SSBP2: variants seen among roughly 807,000 people sequenced by gnomAD.
SSBP2 encodes single-stranded DNA-binding protein 2.
A neutral mutation model predicts 61.8 loss-of-function variants in SSBP2; 17 were observed. The observed-to-expected ratio is 0.28, with a 90% CI of 0.19 to 0.41. SSBP2 has a LOEUF of 0.41. Among genes scored for constraint, SSBP2 ranks in the 10% least tolerant of loss-of-function variants. The probability of loss-of-function intolerance (pLI) is 1.00; values close to 1 mark genes in which losing one functional copy is unlikely to be tolerated. For synonymous variants in SSBP2, 139 were observed against 141.3 expected, an observed-to-expected ratio of 0.98 and a Z score of 0.12; for missense variants, 310 against 458.7, an observed-to-expected ratio of 0.68 and a Z score of 2.96.
At chr5:81,478,792 C>T (rs1056780989) in intron 6 of SSBP2, among the ~76,000 whole-genome samples, 1 of 152,082 alleles carries the variant, frequency 6.6e-6, no homozygotes, top group Non-Finnish European at 1.5e-5. Flanking sequence ...TTTTTTAAGT[C>T]TCCAAATGGT....
chr5:81,520,190 G>A (rs1047538490), intron 4 of SSBP2, among the ~76,000 whole-genome samples: 2 of 152,042 alleles, frequency 1.3e-5, no homozygotes, highest in East Asian at 3.9e-4. Flanking sequence ...TCACCATGTT[G>A]GCCAGGCTGG....
intron 16 of SSBP2, among the ~76,000 whole-genome samples, chr5:81,427,501 C>T (rs1762028544): frequency 6.6e-6 from 1 of 152,128 alleles, no homozygotes; most frequent in Non-Finnish European, 1.5e-5. Flanking sequence ...ATCCACAGAG[C>T]ACTCAATCTT....
At chr5:81,462,722 C>T (rs751818915) in intron 9 of SSBP2, among the ~76,000 whole-genome samples, 9 of 152,046 alleles carry the variant, frequency 5.9e-5, no homozygotes, top group Non-Finnish European at 1.0e-4. Context: ...CCAAGTAAAA[C>T]ATTTGGGTAG....
intron 1 of SSBP2, among the ~76,000 whole-genome samples, chr5:81,723,914 T>TC (rs1334067740): frequency 6.6e-6 from 1 of 151,996 alleles, no homozygotes; most frequent in Non-Finnish European, 1.5e-5. Flanking sequence ...CACTTCTCTA[T>TC]CTTCTGTCTT....
intron 15 of SSBP2, among the ~76,000 whole-genome samples, chr5:81,432,875 C>T (rs1486207141): frequency 6.7e-6 from 1 of 149,728 alleles, no homozygotes; most frequent in African/African-American, 2.5e-5. Flanking sequence ...CCTGGCCACC[C>T]CTACTGGGAA....
chr5:81,567,536 C>A (rs995114719), intron 4 of SSBP2, among the ~76,000 whole-genome samples: 11 of 152,200 alleles, frequency 7.2e-5, no homozygotes, highest in African/African-American at 2.4e-4. Context: ...TAGGGCACAG[C>A]AGAAGGGAAA....
intron 1 of SSBP2, among the ~76,000 whole-genome samples, chr5:81,680,545 A>T (rs1032003976): frequency 3.9e-5 from 6 of 151,984 alleles, no homozygotes; most frequent in Admixed American, 6.5e-5. Context: ...AAAGACACCC[A>T]TAGTTTAAAA....
chr5:81,484,562 A>G (rs551253303), intron 6 of SSBP2, among the ~76,000 whole-genome samples: 1 of 152,230 alleles, frequency 6.6e-6, no homozygotes, highest in South Asian at 2.1e-4. Flanking sequence ...TTTAAATCTT[A>G]GTGTAATTAT....
At chr5:81,692,889 C>G (rs1753311041) in intron 1 of SSBP2, among the ~76,000 whole-genome samples, 1 of 152,042 alleles carries the variant, frequency 6.6e-6, no homozygotes, top group South Asian at 2.1e-4. Context: ...TCTAAGACCT[C>G]AAACTATAAA....
At chr5:81,729,493 T>C (rs1455476638) in intron 1 of SSBP2, among the ~76,000 whole-genome samples, 1 of 152,068 alleles carries the variant, frequency 6.6e-6, no homozygotes, top group Non-Finnish European at 1.5e-5. Flanking sequence ...GTATAGAGAA[T>C]AAATGAATGA....
At chr5:81,467,805 C>T (rs141120214) in intron 8 of SSBP2, among the ~76,000 whole-genome samples, 22 of 152,080 alleles carry the variant, frequency 1.4e-4, no homozygotes, top group African/African-American at 5.1e-4. Context: ...TCCAACTCTT[C>T]TGGGTACTCT....
rs554970725 is a variant in SSBP2 at position 81,617,936 on chromosome 5, A to C, written c.198-2379T>G. On this transcript the variant is annotated intron_variant, in intron 3 of 16. Transcript: ENST00000320672. The stretch of plus-strand genomic sequence containing the variant: ...TTGTCACCACCAGGCCTGCCCTAAA[A>C]GAGCTCCTGAAGCAAGCGCTAAACA... Among the ~76,000 whole-genome samples the C allele has an allele frequency of 5.0e-4, 69 of 137,792 alleles. 13 individuals are homozygous for C. Among genetic ancestry groups the C allele is most frequent in the Non-Finnish European group, 9.3e-4 (58 of 62,322 alleles). 90.4% of individuals were successfully genotyped at this position (137,792 alleles called of 152,430 possible).
intron 1 of SSBP2, among the ~76,000 whole-genome samples, chr5:81,723,475 A>G (rs1035140337): frequency 6.6e-6 from 1 of 152,014 alleles, no homozygotes; most frequent in African/African-American, 2.4e-5. Flanking sequence ...ACAATGGTAC[A>G]TAAAAGAAAC....
At chr5:81,684,763 A>G (rs1479832822) in intron 1 of SSBP2, among the ~76,000 whole-genome samples, 3 of 152,138 alleles carry the variant, frequency 2.0e-5, no homozygotes, top group Non-Finnish European at 4.4e-5. Flanking sequence ...GAAGGGACTT[A>G]CTTTGTCTCA....
At chr5:81,574,653 C>T (rs1031674612) in intron 4 of SSBP2, among the ~76,000 whole-genome samples, 13 of 151,184 alleles carry the variant, frequency 8.6e-5, no homozygotes, top group African/African-American at 2.4e-4. Flanking sequence ...TAAAACGCGG[C>T]GAAAACCAAA....
chr5:81,537,785 T>C (rs1423831058), intron 4 of SSBP2, among the ~76,000 whole-genome samples: 1 of 152,156 alleles, frequency 6.6e-6, no homozygotes, highest in Admixed American at 6.5e-5. Flanking sequence ...CTTTACCTAC[T>C]GGCTGTTCCC....
intron 4 of SSBP2, among the ~76,000 whole-genome samples, chr5:81,604,255 C>CTTTTTTTTTT: frequency 1.4e-5 from 2 of 138,514 alleles, no homozygotes; most frequent in East Asian, 2.1e-4. Context: ...CTTTTCTTTT[C>CTTTTTTTTTT]TTTTTTTTTT....
chr5:81,428,658 C>T lies in SSBP2; in HGVS notation c.983G>A (p.Ser328Asn), dbSNP rs1215415267. 4 of 1,613,130 alleles carry T rather than the reference C, an allele frequency of 2.5e-6. No individual in the cohort carries two copies. The highest frequency in any genetic ancestry group is 1.7e-5 in the Admixed American group (1 of 59,998). Residue 328 changes from serine (S) to asparagine (N), a missense_variant, in exon 16 of 17, where the codon AGT becomes AAT. By Grantham distance (46) the Ser-to-Asn change is conservative (BLOSUM62 1). Around this residue, in one of 4 missense-constraint regions of SSBP2, gnomAD observed 44 missense variants for 86.2 expected, o/e 0.51. Coordinates refer to ENST00000320672, the MANE Select transcript of SSBP2 (RefSeq NM_012446.5). Reference sequence around the variant, plus strand: ...ATCCCTTGGAGTGCCCGGTTGATTACTCAGGCTCATATTATTGGGAGAATT... The same window carrying T: ...ATCCCTTGGAGTGCCCGGTTGATTATTCAGGCTCATATTATTGGGAGAATT...
chr5:81,665,308 T>C (rs1471677009), intron 1 of SSBP2, among the ~76,000 whole-genome samples: 4 of 152,164 alleles, frequency 2.6e-5, no homozygotes, highest in Non-Finnish European at 5.9e-5. Flanking sequence ...TAGAGGGCTA[T>C]GGAAGGGGTA....
Sources: allele counts gnomAD v4.1 joint callset (sites outside exome capture counted in the v4.1 genomes callset), GRCh38; gene constraint gnomAD v4.1.1; regional missense constraint gnomAD v4.1.1; transcripts MANE v1.5; gene names NCBI Gene and HGNC (gene_info 2026-07-23, HGNC 2026-07-21).